The following PAM variants were observed in gnomAD, a reference collection of about 807,000 sequenced individuals.
PAM encodes the protein peptidylglycine alpha-amidating monooxygenase.
A neutral mutation model predicts 122.1 loss-of-function variants in PAM; 72 were observed. The ratio of observed to expected loss-of-function variants is 0.59; its 90% CI spans 0.49 to 0.72. PAM has a LOEUF of 0.72. Among genes scored for constraint, PAM ranks in the 30% least tolerant of loss-of-function variants. The pLI is 0.00. For synonymous variants in PAM, 389 were observed against 404.4 expected (o/e 0.96, Z 0.46); for missense variants, 1,106 against 1,183.7 (o/e 0.93, Z 0.96).
intron 13 of PAM, 90 bp from the exon 14 acceptor site, chr5:102,961,068 T>G (rs1762347747): frequency 5.7e-6 from 4 of 701,336 alleles, no homozygotes; most frequent in Middle Eastern, 2.6e-4. Context: ...CTGAATAGTA[T>G]TTTTATGTTG....
At chr5:102,941,531 A>C (rs1039291124) in intron 7 of PAM, among the ~76,000 whole-genome samples, 4 of 152,012 alleles carry the variant, frequency 2.6e-5, no homozygotes, top group Non-Finnish European at 4.4e-5. Context: ...CCCCAATTTC[A>C]CTTATATTTT....
chr5:103,005,917 TTGTTGTTGTTGTTGTTGC>T (rs1778817091), intron 18 of PAM, among the ~76,000 whole-genome samples: 1 of 145,360 alleles, frequency 6.9e-6, no homozygotes, highest in Admixed American at 6.7e-5. Flanking sequence ...CTTGTTGTTG[TTGTTGTTGTTGTTGTTGC>T]TGTTGTTGTT....
chr5:103,023,122 G>T (rs1784068141), intron 23 of PAM, among the ~76,000 whole-genome samples: 1 of 152,026 alleles, frequency 6.6e-6, no homozygotes, highest in African/African-American at 2.4e-5. Flanking sequence ...TTATATCTTA[G>T]TAAGTTCATT....
At chr5:102,972,903 TA>T (rs1440198262) in intron 14 of PAM, among the ~76,000 whole-genome samples, 9 of 152,212 alleles carry the variant, frequency 5.9e-5, no homozygotes, top group African/African-American at 2.2e-4. Context: ...TTTGAAACAT[TA>T]AACCAAGACT....
Position 102,974,084 on chromosome 5 carries a change from C to T in PAM, c.1163-32C>T, listed in dbSNP as rs761862374. ...TAAATTTTGCAATCTTATCTACCCT[C>T]CACGCCCTTATCTCTTCTCTTTTTT... On this transcript the variant is annotated intron_variant, in intron 14 of 25. Coordinates refer to ENST00000438793, the MANE Select transcript of PAM (RefSeq NM_001177306.2). 24 of 1,525,958 alleles carry T rather than the reference C, an allele frequency of 1.6e-5. No individual in the cohort carries two copies. The East Asian group carries it at 5.2e-4, about 33-fold the overall frequency. 94.5% of individuals were successfully genotyped at this position (1,525,958 alleles called of 1,614,324 possible).
At chr5:102,825,364 A>G (rs902846983) in intron 1 of PAM, among the ~76,000 whole-genome samples, 5 of 152,220 alleles carry the variant, frequency 3.3e-5, no homozygotes, top group Non-Finnish European at 5.9e-5. Flanking sequence ...AATATTGTCC[A>G]AATCAAATAT....
chr5:102,952,152 C>T (rs1243631342), intron 12 of PAM, among the ~76,000 whole-genome samples: 1 of 147,418 alleles, frequency 6.8e-6, no homozygotes. Flanking sequence ...CCTGCATTGA[C>T]TTACAAGTTT....
At chr5:102,886,075 T>A (rs1288203736) in intron 3 of PAM, among the ~76,000 whole-genome samples, 1 of 152,046 alleles carries the variant, frequency 6.6e-6, no homozygotes, top group East Asian at 1.9e-4. Context: ...AAAAAGTTTA[T>A]AAATGTATAA....
intron 1 of PAM, among the ~76,000 whole-genome samples, chr5:102,855,450 T>C (rs1782388808): frequency 1.3e-5 from 2 of 152,288 alleles, no homozygotes; most frequent in East Asian, 3.9e-4. Context: ...AAAATACAAC[T>C]ATGCTATGAG....
intron 1 of PAM, among the ~76,000 whole-genome samples, chr5:102,758,325 T>G (rs1455830391): frequency 6.6e-6 from 1 of 152,032 alleles, no homozygotes; most frequent in Non-Finnish European, 1.5e-5. Flanking sequence ...CATGGCAGGC[T>G]GAGGGGCAGC....
intron 1 of PAM, among the ~76,000 whole-genome samples, chr5:102,761,143 G>A (rs558587232): frequency 4.3e-4 from 66 of 152,346 alleles, no homozygotes; most frequent in African/African-American, 1.5e-3. Context: ...AGAAAGGATG[G>A]AGGACAGGAA....
At chr5:102,878,745 T>A (rs1275346504) in intron 3 of PAM, among the ~76,000 whole-genome samples, 1 of 151,800 alleles carries the variant, frequency 6.6e-6, no homozygotes, top group African/African-American at 2.4e-5. Context: ...AAAAAAAAAA[T>A]TAATAGAAAA....
chr5:103,025,443 T>C lies in PAM; in HGVS notation c.2689+109T>C, dbSNP rs921888096. On this transcript the variant is annotated intron_variant, in intron 24 of 25. Transcript: ENST00000438793. Reference sequence around the variant, plus strand: ...TTTTTTCACTGTATTTGTTTTTTTGTTTTTAATGCTCTCTACCATTTTTGA... The same window carrying C: ...TTTTTTCACTGTATTTGTTTTTTTGCTTTTAATGCTCTCTACCATTTTTGA... 8 of 865,592 alleles carry C rather than the reference T, an allele frequency of 9.2e-6. No homozygotes were observed. In the Admixed American group the frequency reaches 1.6e-4, roughly 17 times the overall value. The allele number at this position is 865,592 out of a possible 1,614,324, so 53.6% of individuals were successfully genotyped here. A position where few individuals can be genotyped will look rare whatever the true frequency, so the allele number is the denominator to read the frequency against.
chr5:103,027,261 T>A (rs778142720), intron 24 of PAM, among the ~76,000 whole-genome samples: 1 of 152,198 alleles, frequency 6.6e-6, no homozygotes, highest in Non-Finnish European at 1.5e-5. Context: ...GAACTTACAA[T>A]CTAATTTGTT....
rs113740014 is a variant in PAM at position 103,028,206 on chromosome 5, C to T, written c.2711C>T (p.Thr904Met). 32 of 1,612,464 alleles carry T rather than the reference C, an allele frequency of 2.0e-5. No homozygotes were observed. Among genetic ancestry groups the T allele is most frequent in the African/African-American group, 1.6e-4 (12 of 74,972 alleles). ...GCAGATTCTGAACACAAACTCGAGA[C>T]GAGTTCAGGAAGAGTACTGGGAAGA... ...AFGDSEHKLE[T>M]SSGRVLGRFR... is the part of the protein sequence containing the mutation. Residue 904 changes from threonine (T) to methionine (M), a missense_variant, in exon 25 of 26, where the codon ACG becomes ATG. Coordinates refer to ENST00000438793, the MANE Select transcript of PAM (RefSeq NM_001177306.2).
In PAM at chr5:103,007,579, A is replaced by C; in HGVS notation, c.2137A>C (p.Thr713Pro). The change falls in exon 20 of 26, where the codon ACT (threonine) becomes CCT (proline). Residue 713 changes from threonine to proline, a missense_variant. Thr to Pro is a conservative substitution (Grantham distance 38). This residue lies in a region of PAM where 333 missense variants were observed against 335.6 expected (regional missense o/e 0.99). Coordinates refer to ENST00000438793, the MANE Select transcript of PAM (RefSeq NM_001177306.2). Reference sequence around the variant, plus strand: ...AAATGGTCGGATCCAGTGTTTTAAAACTGACACCAAAGAATTTGTGAGAGA... The same window carrying C: ...AAATGGTCGGATCCAGTGTTTTAAACCTGACACCAAAGAATTTGTGAGAGA... ...RENGRIQCFK[T>P]DTKEFVREIK... 6.2e-7 allele frequency: 1 copy of C among 1,613,958 alleles called. No individual in the cohort carries two copies. Among genetic ancestry groups the C allele is most frequent in the Non-Finnish European group, 8.5e-7 (1 of 1,179,900 alleles).
chr5:102,908,156 G>A (rs1800182142), intron 4 of PAM, among the ~76,000 whole-genome samples: 1 of 152,026 alleles, frequency 6.6e-6, no homozygotes, highest in Non-Finnish European at 1.5e-5. Context: ...TGTATAAGGT[G>A]TAAGGAAGGG....
chr5:102,860,220 G>A (rs1013358355), intron 1 of PAM, among the ~76,000 whole-genome samples: 1 of 152,028 alleles, frequency 6.6e-6, no homozygotes, highest in African/African-American at 2.4e-5. Flanking sequence ...AGGCATCCGT[G>A]TGATGGGGTT....
At position 102,901,276 on chromosome 5, in the gene PAM, A is replaced by G. The variant is rs529362256; in HGVS notation, c.211-80A>G. On this transcript the variant is annotated intron_variant, in intron 3 of 25. Coordinates refer to ENST00000438793, the MANE Select transcript of PAM (RefSeq NM_001177306.2). ...CTCACTGACTACTTTTTACAGTCAT[A>G]GAAGCCACGTTTTAATAGTTATTAT... 4.4e-4 allele frequency: 364 copies of G among 827,712 alleles called. 2 individuals carry two copies. The East Asian group carries it at 9.6e-3, about 22-fold the overall frequency. 51.3% of individuals were successfully genotyped at this position (827,712 alleles called of 1,614,324 possible). A position where few individuals can be genotyped will look rare whatever the true frequency, so the allele number is the denominator to read the frequency against.
Sources: gnomAD v4.1 joint callset for allele counts (sites outside exome capture counted in the v4.1 genomes callset) on GRCh38, gnomAD v4.1.1 for gene constraint, gnomAD v4.1.1 regional missense constraint, MANE v1.5 for transcripts, NCBI Gene and HGNC (gene_info 2026-07-23, HGNC 2026-07-21) for gene names.